FSTL5: variants seen among roughly 807,000 people sequenced by gnomAD.
The protein encoded by FSTL5 is follistatin-related protein 5.
Under a neutral mutation model 89.1 loss-of-function variants are expected in FSTL5, and 62 were observed. That is an observed-to-expected ratio of 0.70 (90% CI 0.57 to 0.86). The LOEUF is 0.86. FSTL5 is among the 40% of genes least tolerant of loss of function. The pLI is 0.00. For missense variants in FSTL5, 1,057 were observed against 1,001.6 expected (o/e 1.06, Z -0.75); for synonymous variants, 383 against 346.2 (o/e 1.11, Z -1.18).
At position 161,513,272 on chromosome 4, in the gene FSTL5, G is replaced by GGAGAGAGAGAGAGAGAGAGAGA. The variant is rs6148753; in HGVS notation, c.1313-2870_1313-2849dup. ...ACTGAACTGAACCAAACAAGGAGGGGGAGAGAGAGAGAGAGAGAGAGAGAG... is the reference window on the plus strand; with the variant it reads ...ACTGAACTGAACCAAACAAGGAGGGGGAGAGAGAGAGAGAGAGAGAGAGAGAGAGAGAGAGAGAGAGAGAGAG... On this transcript the variant is annotated intron_variant, in intron 10 of 15. Coordinates refer to ENST00000306100, the MANE Select transcript of FSTL5 (RefSeq NM_020116.5). Among the ~76,000 whole-genome samples the GGAGAGAGAGAGAGAGAGAGAGA allele has an allele frequency of 2.5e-4, 27 of 110,018 alleles. 3 individuals carry two copies. Among genetic ancestry groups the GGAGAGAGAGAGAGAGAGAGAGA allele is most frequent in the Middle Eastern group, 5.3e-3 (1 of 190 alleles). The allele number at this position is 110,018 out of a possible 152,430, so 72.2% of individuals were successfully genotyped here.
intron 6 of FSTL5, among the ~76,000 whole-genome samples, chr4:161,670,186 G>T (rs1737050454): frequency 6.6e-6 from 1 of 152,186 alleles, no homozygotes; most frequent in African/African-American, 2.4e-5. Context: ...AAGAGAAATT[G>T]CATATACATA....
chr4:161,664,881 G>A, intron 6 of FSTL5: 1 of 191,412 alleles, frequency 5.2e-6, no homozygotes. Context: ...TTACATGGCA[G>A]CGCAAGAGAA....
At chr4:161,411,422 G>C (rs1490410559) in intron 15 of FSTL5, among the ~76,000 whole-genome samples, 1 of 149,768 alleles carries the variant, frequency 6.7e-6, no homozygotes, top group Non-Finnish European at 1.5e-5. Context: ...GATGAACATA[G>C]ATGCAAAAAT....
intron 3 of FSTL5, among the ~76,000 whole-genome samples, chr4:161,994,969 T>C (rs1009250859): frequency 2.6e-5 from 4 of 152,190 alleles, no homozygotes; most frequent in African/African-American, 9.7e-5. Flanking sequence ...CATTCCTACA[T>C]CCAGGATTGT....
chr4:161,402,957 G>A lies in FSTL5; in HGVS notation c.1842-16508C>T, dbSNP rs955591536. On this transcript the variant is annotated intron_variant, in intron 15 of 15. Transcript: ENST00000306100. ...CTGCCTCAGCCGCCCGAGTAGCGGGGACTACAGGTGCCTGCCACCACGCCC... is the reference window on the plus strand; with the variant it reads ...CTGCCTCAGCCGCCCGAGTAGCGGGAACTACAGGTGCCTGCCACCACGCCC... 2.0e-5 allele frequency among the ~76,000 whole-genome samples: 3 copies of A among 152,108 alleles called. No homozygotes were observed. In the East Asian group the frequency reaches 5.8e-4, roughly 30 times the overall value.
At chr4:161,516,860 C>G (rs949973984) in intron 10 of FSTL5, among the ~76,000 whole-genome samples, 2 of 151,278 alleles carry the variant, frequency 1.3e-5, no homozygotes, top group Non-Finnish European at 2.9e-5. Flanking sequence ...CTTTTTGAAT[C>G]TCTTTATTTT....
intron 4 of FSTL5, among the ~76,000 whole-genome samples, chr4:161,797,938 A>G (rs1171900462): frequency 6.6e-6 from 1 of 151,648 alleles, no homozygotes; most frequent in Non-Finnish European, 1.5e-5. Context: ...CAGTTAATAA[A>G]CCCACCAAGC....
chr4:161,492,704 G>A (rs1729923413), intron 12 of FSTL5, among the ~76,000 whole-genome samples: 1 of 151,922 alleles, frequency 6.6e-6, no homozygotes, highest in Admixed American at 6.6e-5. Context: ...TAGAAAAAAC[G>A]AGTTGTAATG....
intron 3 of FSTL5, among the ~76,000 whole-genome samples, chr4:162,026,154 T>C (rs550101163): frequency 2.0e-5 from 3 of 152,002 alleles, no homozygotes; most frequent in South Asian, 4.1e-4. Context: ...TTTCAAGAGC[T>C]GCTCTTTCAT....
intron 6 of FSTL5, among the ~76,000 whole-genome samples, chr4:161,713,168 T>C (rs1738857454): frequency 1.3e-5 from 2 of 152,244 alleles, no homozygotes; most frequent in Non-Finnish European, 2.9e-5. Context: ...TTTAAATGAA[T>C]GTCTCCTTTC....
At chr4:161,393,422 T>G (rs1331331042) in intron 15 of FSTL5, among the ~76,000 whole-genome samples, 1 of 151,932 alleles carries the variant, frequency 6.6e-6, no homozygotes, top group East Asian at 2.0e-4. Context: ...TAAGGTAAAC[T>G]ACAGTCAAGC....
intron 7 of FSTL5, among the ~76,000 whole-genome samples, chr4:161,628,883 C>T (rs1735402658): frequency 6.6e-6 from 1 of 152,100 alleles, no homozygotes; most frequent in African/African-American, 2.4e-5. Flanking sequence ...TAATAAAGGT[C>T]TGTATATTTT....
rs958016061 is a variant in FSTL5, at chr4:161,492,021, T to G, written c.1458+7995A>C. ...TGAGATTTATAATAGGATTATACAATATGCAGCCACATGTCAATTTCATCT... is the reference window on the plus strand; with the variant it reads ...TGAGATTTATAATAGGATTATACAAGATGCAGCCACATGTCAATTTCATCT... On this transcript the variant is annotated intron_variant, in intron 12 of 15. Transcript: ENST00000306100. 2.6e-5 allele frequency among the ~76,000 whole-genome samples: 4 copies of G among 152,216 alleles called. No homozygotes were observed. The East Asian group carries it at 7.7e-4, about 29-fold the overall frequency.
At chr4:161,600,598 GT>G (rs1183671742) in intron 7 of FSTL5, among the ~76,000 whole-genome samples, 1 of 152,022 alleles carries the variant, frequency 6.6e-6, no homozygotes, top group Non-Finnish European at 1.5e-5. Context: ...CCAGTTTCTT[GT>G]TTCCTAAATC....
intron 4 of FSTL5, among the ~76,000 whole-genome samples, chr4:161,892,179 A>G (rs1406677407): frequency 6.6e-6 from 1 of 152,032 alleles, no homozygotes; most frequent in Non-Finnish European, 1.5e-5. Flanking sequence ...CATTCTTTGA[A>G]CAACTATCAG....
chr4:161,420,286 A>G (rs1731936916), intron 15 of FSTL5, among the ~76,000 whole-genome samples: 1 of 152,226 alleles, frequency 6.6e-6, no homozygotes, highest in Non-Finnish European at 1.5e-5. Flanking sequence ...GGTAGTTATA[A>G]ATACTAGCTA....
At chr4:162,060,321 A>G (rs1405615971) in intron 2 of FSTL5, among the ~76,000 whole-genome samples, 2 of 152,120 alleles carry the variant, frequency 1.3e-5, no homozygotes, top group African/African-American at 4.8e-5. Context: ...ACTAAAGCCA[A>G]CATAGCATAG....
intron 4 of FSTL5, among the ~76,000 whole-genome samples, chr4:161,903,021 G>A (rs199906117): frequency 6.6e-6 from 1 of 152,062 alleles, no homozygotes; most frequent in East Asian, 1.9e-4. Flanking sequence ...AGCACAGTAA[G>A]GCTACTCATA....
chr4:161,890,686 T>TAAA (rs5863497), intron 4 of FSTL5, among the ~76,000 whole-genome samples: 24 of 115,012 alleles, frequency 2.1e-4, no homozygotes, highest in Admixed American at 5.7e-4. Flanking sequence ...AGACTCTGTC[T>TAAA]AAAAAAAAAA....
Sources: gnomAD v4.1 joint callset for allele counts (sites outside exome capture counted in the v4.1 genomes callset) on GRCh38, gnomAD v4.1.1 for gene constraint, MANE v1.5 for transcripts, NCBI Gene and HGNC (gene_info 2026-07-23, HGNC 2026-07-21) for gene names.